ADAMTSL1: variants seen among roughly 807,000 people sequenced by gnomAD.
ADAMTSL1 encodes the protein ADAMTS-like protein 1.
A neutral mutation model predicts 201.8 loss-of-function variants in ADAMTSL1; 126 were observed. The ratio of observed to expected loss-of-function variants is 0.62; its 90% CI spans 0.54 to 0.72. ADAMTSL1 has a LOEUF of 0.72. Ranked by LOEUF, ADAMTSL1 falls within the 30% of genes least tolerant of loss-of-function variation. ADAMTSL1 has a pLI of 0.00. For synonymous variants in ADAMTSL1, 1,121 were observed against 903.4 expected, an observed-to-expected ratio of 1.24 and a Z score of -4.32; for missense variants, 2,679 against 2,277.8, an observed-to-expected ratio of 1.18 and a Z score of -3.59.
intron 19 of ADAMTSL1, among the ~76,000 whole-genome samples, chr9:18,785,922 A>C (rs1401982433): frequency 6.6e-6 from 1 of 152,190 alleles, no homozygotes; most frequent in African/African-American, 2.4e-5. Context: ...TCATTCCCCC[A>C]AGAAACACCT....
At position 18,139,821 on chromosome 9, in the gene ADAMTSL1, CT is replaced by C. The variant is rs547424952; in HGVS notation, c.88-24039del. ...ACATTAGAAAATTTCAAATATATAT[CT>C]TGTGGTTCATCCCCTAAATTAAAAT... On this transcript the variant is annotated intron_variant, in intron 1 of 29. Transcript: ENST00000680146. Among the ~76,000 whole-genome samples the C allele has an allele frequency of 8.7e-3, 1,329 of 152,146 alleles. 9 individuals are homozygous for C. Among genetic ancestry groups the C allele is most frequent in the Non-Finnish European group, 0.012 (835 of 67,996 alleles).
At chr9:18,236,615 G>C (rs1045541410) in intron 2 of ADAMTSL1, among the ~76,000 whole-genome samples, 2 of 152,120 alleles carry the variant, frequency 1.3e-5, no homozygotes, top group Non-Finnish European at 2.9e-5. Flanking sequence ...GTTATTTTTA[G>C]GTTGTTAAAA....
At chr9:18,361,539 G>A (rs760125203) in intron 2 of ADAMTSL1, among the ~76,000 whole-genome samples, 1 of 152,138 alleles carries the variant, frequency 6.6e-6, no homozygotes, top group South Asian at 2.1e-4. Flanking sequence ...ATGATGTGTT[G>A]TGCCTTAAAG....
At chr9:18,728,689 G>T (rs1341263491) in intron 15 of ADAMTSL1, among the ~76,000 whole-genome samples, 1 of 152,194 alleles carries the variant, frequency 6.6e-6, no homozygotes. Context: ...GAATGGTAAG[G>T]CCTAAGTAGG....
chr9:18,836,332 C>G (rs905763729), intron 23 of ADAMTSL1, among the ~76,000 whole-genome samples: 2 of 152,024 alleles, frequency 1.3e-5, no homozygotes, highest in African/African-American at 4.8e-5. Flanking sequence ...AATATTAGAC[C>G]TCTGTTGGAT....
At chr9:18,386,207 C>T (rs144102768) in intron 2 of ADAMTSL1, among the ~76,000 whole-genome samples, 1 of 152,218 alleles carries the variant, frequency 6.6e-6, no homozygotes, top group African/African-American at 2.4e-5. Flanking sequence ...TTTAAACGAA[C>T]TTGAAAATAT....
chr9:18,516,886 G>T (rs184956150), intron 2 of ADAMTSL1, among the ~76,000 whole-genome samples: 5 of 152,256 alleles, frequency 3.3e-5, no homozygotes, highest in Admixed American at 2.0e-4. Context: ...CATATAAATG[G>T]TTTTAAAGAA....
At chr9:18,043,136 T>A (rs764948609) in intron 1 of ADAMTSL1, among the ~76,000 whole-genome samples, 7 of 152,170 alleles carry the variant, frequency 4.6e-5, no homozygotes, top group African/African-American at 7.2e-5. Context: ...CACAATTACC[T>A]GGGATATTTA....
chr9:18,124,132 G>A (rs1164212455), intron 1 of ADAMTSL1, among the ~76,000 whole-genome samples: 2 of 132,212 alleles, frequency 1.5e-5, no homozygotes, highest in African/African-American at 2.9e-5. Context: ...CTCCAGTATG[G>A]AGTGCAGTGG....
chr9:18,533,735 G>A (rs949544523), intron 3 of ADAMTSL1, among the ~76,000 whole-genome samples: 1 of 152,176 alleles, frequency 6.6e-6, no homozygotes, highest in Admixed American at 6.5e-5. Flanking sequence ...AATAACATAT[G>A]GTCCCTGTTT....
intron 4 of ADAMTSL1, among the ~76,000 whole-genome samples, chr9:18,615,659 T>A (rs1437249777): frequency 6.6e-6 from 1 of 152,226 alleles, no homozygotes; most frequent in East Asian, 1.9e-4. Flanking sequence ...TGTTATAATC[T>A]GAACTTGAAA....
chr9:18,600,684 C>A (rs186080605), intron 4 of ADAMTSL1, among the ~76,000 whole-genome samples: 1 of 151,352 alleles, frequency 6.6e-6, no homozygotes, highest in Admixed American at 6.6e-5. Flanking sequence ...TACAGCCATT[C>A]TCCTGAGTAA....
At chr9:18,409,383 C>CAAAA (rs781106126) in intron 2 of ADAMTSL1, among the ~76,000 whole-genome samples, 75 of 77,018 alleles carry the variant, frequency 9.7e-4, no homozygotes, top group Non-Finnish European at 1.2e-3. Flanking sequence ...AACTCCGTCT[C>CAAAA]AAAAAAAAAA....
At chr9:18,875,503 T>A (rs1828092848) in intron 23 of ADAMTSL1, among the ~76,000 whole-genome samples, 1 of 152,186 alleles carries the variant, frequency 6.6e-6, no homozygotes, top group African/African-American at 2.4e-5. Context: ...TTGATTTCAT[T>A]GTCGACACAA....
intron 2 of ADAMTSL1, among the ~76,000 whole-genome samples, chr9:18,342,946 A>C (rs796733746): frequency 6.6e-6 from 1 of 152,134 alleles, no homozygotes; most frequent in African/African-American, 2.4e-5. Context: ...ATGACAAGAT[A>C]CACTTCAGTT....
In ADAMTSL1 at chr9:18,821,398, C is replaced by G. The variant is rs551804798; in HGVS notation, c.3934+4161C>G. On this transcript the variant is annotated intron_variant, in intron 21 of 28. Coordinates refer to ENST00000380548, the MANE Select transcript of ADAMTSL1 (RefSeq NM_001040272.6). ...GGTCTCCATAGGGGTTACCTCTATC[C>G]TATCAACCAGGAGAGGGGAAAACAG... 2.0e-5 allele frequency among the ~76,000 whole-genome samples: 3 copies of G among 152,234 alleles called. No homozygotes were observed. In the South Asian group the frequency reaches 6.2e-4, roughly 32 times the overall value.
intron 2 of ADAMTSL1, among the ~76,000 whole-genome samples, chr9:18,359,818 T>TCCCCCCTCC (rs1187779796): frequency 2.3e-5 from 1 of 42,628 alleles, no homozygotes; most frequent in African/African-American, 9.8e-5. Context: ...ATGCCCCACC[T>TCCCCCCTCC]CCCCACCCGC....
chr9:18,470,798 C>A (rs1821177851), upstream of ADAMTSL1, among the ~76,000 whole-genome samples: 1 of 152,112 alleles, frequency 6.6e-6, no homozygotes, highest in African/African-American at 2.4e-5. Context: ...ATTGTTAAAT[C>A]CATACCATTT....
chr9:18,501,458 C>G (rs1822838182), intron 1 of ADAMTSL1, among the ~76,000 whole-genome samples: 1 of 142,124 alleles, frequency 7.0e-6, no homozygotes, highest in Non-Finnish European at 1.5e-5. Context: ...CTGCAATGAT[C>G]GTGTCACTGC....
Sources: gnomAD v4.1 joint callset for allele counts (sites outside exome capture counted in the v4.1 genomes callset) on GRCh38, gnomAD v4.1.1 for gene constraint, MANE v1.5 for transcripts, NCBI Gene and HGNC (gene_info 2026-07-23, HGNC 2026-07-21) for gene names.